Variants in RNASEH2B observed in about 807,000 individuals in gnomAD.
The protein encoded by RNASEH2B is Aicardi-Goutieres syndrome 2 protein.
RNASEH2B carries 36 observed loss-of-function variants against 45.0 expected under a neutral mutation model. The observed-to-expected ratio is 0.80, with a 90% confidence interval of 0.61 to 1.06. The LOEUF (loss-of-function observed/expected upper bound fraction) is 1.06, where lower values mean the gene tolerates loss of function less well. Ranked by LOEUF, RNASEH2B falls within the 50% of genes least tolerant of loss-of-function variation. The probability of loss-of-function intolerance (pLI) is 0.00; values close to 1 mark genes in which losing one functional copy is unlikely to be tolerated. For synonymous variants in RNASEH2B, 119 were observed against 125.7 expected (o/e 0.95, Z 0.35); for missense variants, 361 against 360.3 (o/e 1.00, Z -0.02).
chr13:50,921,175 T>C (rs1206481229), intron 1 of RNASEH2B: 1 of 152,230 alleles, frequency 6.6e-6, no homozygotes, highest in Non-Finnish European at 1.5e-5. Context: ...ACCCATTTTA[T>C]AGATGACACA....
In RNASEH2B at chr13:50,910,115, C is replaced by A; in HGVS notation, c.39C>A (p.Ala13=). Residue 13 remains alanine (A), a synonymous_variant, in exon 1 of 11, where the codon GCC becomes GCA. Coordinates refer to ENST00000336617, the MANE Select transcript of RNASEH2B (RefSeq NM_024570.4). ...TGGACTGCGGGGACGGGGTTGGCGC[C>A]CGGCAGCACGTGTTCCTGGTTTCAG... The part of the protein sequence containing the change: ...AGVDCGDGVG[A]RQHVFLVSEY... 1 of 1,459,328 alleles carries A rather than the reference C, an allele frequency of 6.9e-7. No individual in the cohort carries two copies. Among genetic ancestry groups the A allele is most frequent in the Non-Finnish European group, 9.0e-7 (1 of 1,107,626 alleles). 90.4% of individuals were successfully genotyped at this position (1,459,328 alleles called of 1,614,324 possible).
downstream of RNASEH2B, among the ~76,000 whole-genome samples, chr13:50,960,968 A>AT (rs1566093073): frequency 1.3e-5 from 2 of 152,056 alleles, no homozygotes; most frequent in Admixed American, 1.3e-4. Context: ...CTTACTTGAC[A>AT]TTTTTGAGTA....
intron 1 of RNASEH2B, among the ~76,000 whole-genome samples, chr13:50,917,828 G>A (rs1056342343): frequency 5.3e-5 from 8 of 152,098 alleles, no homozygotes; most frequent in Admixed American, 5.2e-4. Context: ...TGATGACTAG[G>A]GACCAGACAT....
At chr13:50,911,901 G>A (rs1388186043) in intron 1 of RNASEH2B, 1 of 152,144 alleles carries the variant, frequency 6.6e-6, no homozygotes, top group Non-Finnish European at 1.5e-5. Flanking sequence ...TGTTTAATCA[G>A]TATTGACATC....
chr13:50,943,802 A>G (rs1035021212), intron 6 of RNASEH2B, among the ~76,000 whole-genome samples: 1 of 152,154 alleles, frequency 6.6e-6, no homozygotes, highest in Admixed American at 6.5e-5. Context: ...AAAGGTGTTC[A>G]GGTTTAGAGG....
chr13:50,916,808 A>G (rs1255383913), intron 1 of RNASEH2B, among the ~76,000 whole-genome samples: 1 of 152,186 alleles, frequency 6.6e-6, no homozygotes, highest in East Asian at 1.9e-4. Flanking sequence ...GTGTGTTACA[A>G]AATCAAACAT....
At chr13:50,922,244 G>A (rs1265771657) in intron 1 of RNASEH2B, among the ~76,000 whole-genome samples, 3 of 152,118 alleles carry the variant, frequency 2.0e-5, no homozygotes, top group Non-Finnish European at 2.9e-5. Context: ...AAAAACTTAC[G>A]GGTAAGATGT....
rs142357596 is a variant in RNASEH2B, at chr13:50,968,475, T to C, written c.742-1457T>C. On this transcript the variant is annotated intron_variant, in intron 9 of 9. Transcript: ENST00000422660. ...AGACCAGAAAGAGGTGGTATCCTTATTTTATTGATGGTCTGTGTGAGGTCA... is the reference window on the plus strand; with the variant it reads ...AGACCAGAAAGAGGTGGTATCCTTACTTTATTGATGGTCTGTGTGAGGTCA... Among the ~76,000 whole-genome samples, 546 of 152,288 alleles carry C rather than the reference T, an allele frequency of 3.6e-3. 6 individuals are homozygous for C. The highest frequency in any genetic ancestry group is 0.012 in the African/African-American group (509 of 41,558).
intron 1 of RNASEH2B, among the ~76,000 whole-genome samples, chr13:50,923,189 G>A (rs2137910917): frequency 6.6e-6 from 1 of 152,172 alleles, no homozygotes; most frequent in East Asian, 1.9e-4. Flanking sequence ...AGACCTGTAG[G>A]ACACCATCAA....
At chr13:50,920,206 G>A (rs1253143413) in intron 1 of RNASEH2B, among the ~76,000 whole-genome samples, 3 of 152,026 alleles carry the variant, frequency 2.0e-5, no homozygotes, top group Admixed American at 6.6e-5. Flanking sequence ...CACCACACCC[G>A]GCTAATTTTT....
At chr13:50,968,334 A>G (rs1952186440) in intron 9 of RNASEH2B, among the ~76,000 whole-genome samples, 2 of 152,332 alleles carry the variant, frequency 1.3e-5, no homozygotes, top group Non-Finnish European at 2.9e-5. Flanking sequence ...TAGGAATTCA[A>G]GGTTACAGTG....
intron 6 of RNASEH2B, among the ~76,000 whole-genome samples, chr13:50,944,615 A>G (rs1270148685): frequency 1.3e-5 from 2 of 152,130 alleles, no homozygotes; most frequent in Admixed American, 6.5e-5. Context: ...AACTTAAAGT[A>G]TAATAAATAA....
At chr13:50,923,710 G>C (rs1341975719) in intron 1 of RNASEH2B, among the ~76,000 whole-genome samples, 1 of 152,182 alleles carries the variant, frequency 6.6e-6, no homozygotes, top group Non-Finnish European at 1.5e-5. Context: ...GGCACTAGAT[G>C]ATAACTTGAA....
In RNASEH2B at chr13:50,910,032, G is replaced by GGCCCGCGGCGCTGA. The variant is rs1183435550; in HGVS notation, c.-41_-28dup. ...ATTTTCGGCGGGGCTGGGAGACTGA[G>GGCCCGCGGCGCTGA]GCCCGCGGCGCTGAGCCTGCGGCGC... On this transcript the variant is annotated 5_prime_UTR_variant, in exon 1 of 11. Transcript: ENST00000336617. 6.9e-7 allele frequency: 1 copy of GGCCCGCGGCGCTGA among 1,450,274 alleles called. No homozygotes were observed. Among genetic ancestry groups the GGCCCGCGGCGCTGA allele is most frequent in the Non-Finnish European group, 9.1e-7 (1 of 1,098,794 alleles). The allele number at this position is 1,450,274 out of a possible 1,614,324, so 89.8% of individuals were successfully genotyped here.
intron 10 of RNASEH2B, chr13:50,954,840 G>A (rs1016674650): frequency 2.0e-5 from 3 of 152,128 alleles, no homozygotes; most frequent in East Asian, 1.9e-4. Flanking sequence ...CATTTTTGAC[G>A]ACATTGAGTA....
downstream of RNASEH2B, chr13:50,956,827 A>G (rs957873390): frequency 4.4e-6 from 3 of 681,734 alleles, no homozygotes; most frequent in East Asian, 1.1e-4. Flanking sequence ...AATATTTTCA[A>G]TATACTGAGA....
intron 9 of RNASEH2B, chr13:50,953,505 T>G: frequency 4.4e-6 from 1 of 226,588 alleles, no homozygotes; most frequent in Non-Finnish European, 8.8e-6. Flanking sequence ...AGGAGGTAAA[T>G]GAAATAGGGA....
intron 4 of RNASEH2B, among the ~76,000 whole-genome samples, chr13:50,932,311 T>C (rs1951690451): frequency 6.6e-6 from 1 of 152,208 alleles, no homozygotes; most frequent in Non-Finnish European, 1.5e-5. Context: ...TATCTTTGGT[T>C]AAGCAGCCAA....
At chr13:50,950,924 T>C (rs1266245904) in intron 9 of RNASEH2B, 9 of 152,248 alleles carry the variant, frequency 5.9e-5, no homozygotes, top group Non-Finnish European at 8.8e-5. Flanking sequence ...AGCCAGACAG[T>C]AAATATTTTA....
Sources: gnomAD v4.1 joint callset for allele counts (sites outside exome capture counted in the v4.1 genomes callset) on GRCh38, gnomAD v4.1.1 for gene constraint, MANE v1.5 for transcripts, NCBI Gene and HGNC (gene_info 2026-07-23, HGNC 2026-07-21) for gene names.